RABGAP1: variants seen among roughly 807,000 people sequenced by gnomAD.
RABGAP1 encodes the protein rab GTPase-activating protein 1.
RABGAP1 carries 23 observed loss-of-function variants against 137.6 expected under a neutral mutation model. That is an observed-to-expected ratio of 0.17 (90% CI 0.12 to 0.24). The LOEUF is 0.24. RABGAP1 is among the 10% of genes least tolerant of loss of function. The probability of loss-of-function intolerance (pLI) is 1.00; values close to 1 mark genes in which losing one functional copy is unlikely to be tolerated. For synonymous variants in RABGAP1, 451 were observed against 450.7 expected, an observed-to-expected ratio of 1.00 and a Z score of -0.01; for missense variants, 906 against 1,275.8, an observed-to-expected ratio of 0.71 and a Z score of 4.42.
At chr9:123,015,006 G>A (rs1475651040) in intron 11 of RABGAP1, among the ~76,000 whole-genome samples, 1 of 152,096 alleles carries the variant, frequency 6.6e-6, no homozygotes, top group African/African-American at 2.4e-5. Flanking sequence ...CCCATGACAC[G>A]TGGGATTATG....
intron 1 of RABGAP1, among the ~76,000 whole-genome samples, chr9:122,950,377 C>CTTTTTTTTTTTTTTTT (rs200424486): frequency 2.0e-3 from 150 of 74,496 alleles, no homozygotes; most frequent in East Asian, 3.8e-3. Flanking sequence ...CTTTTTCTTT[C>CTTTTTTTTTTTTTTTT]TTTTTTTTTT....
chr9:123,070,327 C>A lies in RABGAP1; in HGVS notation c.1909-23C>A. The stretch of plus-strand genomic sequence containing the variant: ...CAAGTGGCTACATTCATTTACATTT[C>A]CTCTGTGTGTTTTATTTTCCAGGCT... On this transcript the variant is annotated intron_variant, in intron 14 of 25. Coordinates refer to ENST00000373647, the MANE Select transcript of RABGAP1 (RefSeq NM_012197.4). This position sits in a 1 kb window ranked among gnomAD's most constrained non-coding sequence, Gnocchi z 4.4. 1 of 1,613,480 alleles carries A rather than the reference C, an allele frequency of 6.2e-7. No individual in the cohort carries two copies. The highest frequency in any genetic ancestry group is 8.5e-7 in the Non-Finnish European group (1 of 1,179,736).
intron 4 of RABGAP1, among the ~76,000 whole-genome samples, chr9:122,987,455 T>C (rs1004975836): frequency 2.6e-5 from 4 of 152,180 alleles, no homozygotes; most frequent in Non-Finnish European, 4.4e-5. Context: ...TGTCTAGGTA[T>C]ATGTAAATAT....
intron 20 of RABGAP1, 29 bp downstream of exon 20, chr9:123,089,879 G>A: frequency 6.4e-7 from 1 of 1,565,212 alleles, no homozygotes; most frequent in South Asian, 1.1e-5. Context: ...TACGTGTGAG[G>A]AGCTCCCATG....
At chr9:122,969,694 T>A (rs1334868262) in intron 2 of RABGAP1, among the ~76,000 whole-genome samples, 2 of 151,498 alleles carry the variant, frequency 1.3e-5, no homozygotes, top group Non-Finnish European at 2.9e-5. Flanking sequence ...TCCTAACACA[T>A]TTTTTTTGCC....
upstream of RABGAP1, chr9:122,938,514 G>A (rs1316515478): frequency 6.6e-6 from 1 of 152,146 alleles, no homozygotes; most frequent in African/African-American, 2.4e-5. Flanking sequence ...TTCTGTGAAT[G>A]GGATATCAAT....
chr9:123,075,701 C>G (rs1296523105), intron 17 of RABGAP1, among the ~76,000 whole-genome samples: 1 of 152,186 alleles, frequency 6.6e-6, no homozygotes, highest in Non-Finnish European at 1.5e-5. Context: ...AGCTAATTAT[C>G]TCAGAAAACC....
At chr9:123,049,098 G>A (rs2033345291) in intron 13 of RABGAP1, among the ~76,000 whole-genome samples, 2 of 152,310 alleles carry the variant, frequency 1.3e-5, no homozygotes, top group South Asian at 4.1e-4. Flanking sequence ...CATCTTTTCT[G>A]AGGAAGTCAT....
At chr9:122,983,689 A>T (rs1252620546) in intron 2 of RABGAP1, among the ~76,000 whole-genome samples, 1 of 152,058 alleles carries the variant, frequency 6.6e-6, no homozygotes, top group Non-Finnish European at 1.5e-5. Context: ...CTTTTTTCCC[A>T]TGACTTCGTT....
upstream of RABGAP1, chr9:122,938,702 CAT>C (rs1395537353): frequency 2.6e-5 from 4 of 152,120 alleles, no homozygotes; most frequent in African/African-American, 9.7e-5. Flanking sequence ...TAATATCTAA[CAT>C]GTTAGATTCA....
At chr9:123,091,054 C>T (rs2035018711) in intron 21 of RABGAP1, among the ~76,000 whole-genome samples, 1 of 152,192 alleles carries the variant, frequency 6.6e-6, no homozygotes, top group Non-Finnish European at 1.5e-5. Context: ...TACATTGCTA[C>T]TACTTAGCAA....
At chr9:122,971,535 A>G (rs192644205) in intron 2 of RABGAP1, 29 of 152,348 alleles carry the variant, frequency 1.9e-4, no homozygotes, top group Admixed American at 7.2e-4. Context: ...TATTAGGTAT[A>G]ACCTTAAGGG....
At chr9:123,017,978 C>T (rs2031354638) in intron 12 of RABGAP1, among the ~76,000 whole-genome samples, 2 of 152,112 alleles carry the variant, frequency 1.3e-5, no homozygotes, top group Admixed American at 6.5e-5. Context: ...TCTTTGAGCT[C>T]TAATTCTCCA....
chr9:123,006,879 GA>G (rs1218670194), intron 10 of RABGAP1, among the ~76,000 whole-genome samples: 2 of 152,112 alleles, frequency 1.3e-5, no homozygotes, highest in Non-Finnish European at 2.9e-5. Flanking sequence ...AAACTACTGG[GA>G]TTACAGGCGT....
At chr9:123,031,709 T>G (rs2032311371) in intron 13 of RABGAP1, among the ~76,000 whole-genome samples, 1 of 152,058 alleles carries the variant, frequency 6.6e-6, no homozygotes, top group Non-Finnish European at 1.5e-5. Context: ...CATACCGGAG[T>G]GCCTGGGAAA....
chr9:123,031,063 A>G (rs1395054156), intron 13 of RABGAP1, among the ~76,000 whole-genome samples: 3 of 152,170 alleles, frequency 2.0e-5, no homozygotes, highest in African/African-American at 7.2e-5. Flanking sequence ...CAGTAATGTA[A>G]CAGCTTGTAG....
At chr9:122,955,201 T>A (rs1278212791) in intron 1 of RABGAP1, among the ~76,000 whole-genome samples, 3 of 152,158 alleles carry the variant, frequency 2.0e-5, no homozygotes, top group Admixed American at 6.5e-5. Context: ...TTAGCAAAGG[T>A]CTAAGTTAGT....
chr9:123,035,289 A>G, intron 13 of RABGAP1: 1 of 1,614,168 alleles, frequency 6.2e-7, no homozygotes, highest in Non-Finnish European at 8.5e-7. Flanking sequence ...AGACTGGGGA[A>G]GTGCAGGCCT....
At chr9:122,960,967 A>AATT (rs1834821011) in intron 2 of RABGAP1, among the ~76,000 whole-genome samples, 2 of 152,208 alleles carry the variant, frequency 1.3e-5, no homozygotes, top group Admixed American at 1.3e-4. Flanking sequence ...GATCAGTAGA[A>AATT]ATTACTCAAA....
Sources: gnomAD v4.1 joint callset for allele counts (sites outside exome capture counted in the v4.1 genomes callset) on GRCh38, gnomAD v4.1.1 for gene constraint, Gnocchi (gnomAD v3.1) non-coding constraint, MANE v1.5 for transcripts, NCBI Gene and HGNC (gene_info 2026-07-23, HGNC 2026-07-21) for gene names.